The following GATA4 variants were observed in gnomAD, a reference collection of about 807,000 sequenced individuals.
GATA4 encodes GATA binding protein 4.
A neutral mutation model predicts 37.9 loss-of-function variants in GATA4; 7 were observed. The observed-to-expected ratio is 0.18, with a 90% CI of 0.11 to 0.35. The LOEUF (loss-of-function observed/expected upper bound fraction) is 0.35, where lower values mean the gene tolerates loss of function less well. Ranked by LOEUF, GATA4 falls within the 10% of genes least tolerant of loss-of-function variation. The pLI is 1.00. For missense variants in GATA4, 647 were observed against 653.0 expected (o/e 0.99, Z 0.10); for synonymous variants, 372 against 292.6 (o/e 1.27, Z -2.77).
chr8:11,738,957 C>T (rs1049046244), intron 2 of GATA4, among the ~76,000 whole-genome samples: 1 of 152,236 alleles, frequency 6.6e-6, no homozygotes, highest in East Asian at 1.9e-4. Flanking sequence ...TGGGACTGTA[C>T]CCCGAAGGGA....
intron 2 of GATA4, among the ~76,000 whole-genome samples, chr8:11,716,888 A>C (rs755745355): frequency 3.3e-5 from 5 of 152,272 alleles, no homozygotes; most frequent in Non-Finnish European, 5.9e-5. Flanking sequence ...TTGTGTCTGC[A>C]TAAGAAAGAG....
chr8:11,693,119 C>G (rs556173877), intron 1 of GATA4: 1 of 962,972 alleles, frequency 1.0e-6, no homozygotes, highest in South Asian at 4.8e-5. Context: ...ATCCCAGTGT[C>G]TGTTAACGAT....
In GATA4 at chr8:11,708,534, C is replaced by T. The variant is rs1800004514; in HGVS notation, c.222C>T (p.Ala74=). ...CCTCGGGCGGCAGCTCCGGTGGGGC[C>T]GCGTCTGGTGCGGGGCCCGGGACCC... The part of the protein sequence containing the change: ...GGASGGSSGG[A]ASGAGPGTQQ... The change falls in exon 2 of 7, where the codon GCC becomes GCT. Residue 74 remains alanine, a synonymous_variant. Transcript: ENST00000532059. The surrounding 1 kb of genome is among the most constrained non-coding windows in gnomAD (Gnocchi z 6.7). The T allele has an allele frequency of 5.5e-6, 8 of 1,443,782 alleles. No homozygotes were observed. Among genetic ancestry groups the T allele is most frequent in the African/African-American group, 1.5e-5 (1 of 67,136 alleles). The allele number at this position is 1,443,782 out of a possible 1,614,324, so 89.4% of individuals were successfully genotyped here. A position where few individuals can be genotyped will look rare whatever the true frequency, so the allele number is the denominator to read the frequency against.
chr8:11,718,438 C>T (rs1333761366), intron 2 of GATA4, among the ~76,000 whole-genome samples: 3 of 152,166 alleles, frequency 2.0e-5, no homozygotes, highest in Admixed American at 6.5e-5. Context: ...GACAGGTGGG[C>T]CATTCTGTGT....
upstream of GATA4, among the ~76,000 whole-genome samples, chr8:11,699,549 G>A (rs1237013711): frequency 6.6e-6 from 1 of 152,232 alleles, no homozygotes; most frequent in Non-Finnish European, 1.5e-5. Flanking sequence ...GTCCTTGGAT[G>A]GGGAGGGAGA....
intron 2 of GATA4, among the ~76,000 whole-genome samples, chr8:11,718,032 C>T (rs896723956): frequency 3.3e-5 from 5 of 152,210 alleles, no homozygotes; most frequent in Admixed American, 6.5e-5. Flanking sequence ...AACTGACCCT[C>T]TGTGTTCCCT....
chr8:11,749,036 A>C lies in GATA4; in HGVS notation c.737A>C (p.His246Pro), dbSNP rs1802166103. The part of the protein sequence containing the change: ...HYLCNACGLY[H>P]KMNGINRPLI... ...CTGTGCAACGCCTGCGGCCTCTACC[A>C]CAAGATGAACGGCATCAACCGGCCG... Residue 246 changes from histidine to proline, a missense_variant, in exon 3 of 7, where the codon CAC (histidine) becomes CCC (proline). His to Pro is a moderately conservative substitution (Grantham distance 77). Around this residue, in one of 5 missense-constraint regions of GATA4, gnomAD observed 56 missense variants for 64.5 expected, o/e 0.87. Coordinates refer to ENST00000532059, the MANE Select transcript of GATA4 (RefSeq NM_001308093.3). This position sits in a 1 kb window ranked among gnomAD's most constrained non-coding sequence, Gnocchi z 4.6. 6.2e-7 allele frequency: 1 copy of C among 1,614,036 alleles called. No individual in the cohort carries two copies. Among genetic ancestry groups the C allele is most frequent in the Non-Finnish European group, 8.5e-7 (1 of 1,180,024 alleles).
intron 5 of GATA4, chr8:11,756,695 CT>C (rs1563232836): frequency 1.7e-6 from 1 of 584,216 alleles, no homozygotes; most frequent in South Asian, 2.0e-5. Flanking sequence ...GAGGAAGAAT[CT>C]TTTTTTAAAA....
At chr8:11,704,549 C>T (rs1799805593) in intron 1 of GATA4, among the ~76,000 whole-genome samples, 2 of 152,224 alleles carry the variant, frequency 1.3e-5, no homozygotes. Context: ...GGATTCTTTC[C>T]GTGTGAACTT....
intron 1 of GATA4, among the ~76,000 whole-genome samples, chr8:11,681,830 C>T (rs1196132484): frequency 6.6e-6 from 1 of 152,178 alleles, no homozygotes; most frequent in African/African-American, 2.4e-5. Flanking sequence ...TGGCCGTGGG[C>T]AGACCCGGCT....
rs557297833 is a variant in GATA4 at position 11,746,351 on chromosome 8, G to C, written c.617-2565G>C. Reference sequence around the variant, plus strand: ...CACCACTACACTCCGGCTTGGGTGAGAGTGAACCCGGTCTCTAAAGAGCAA... The same window carrying C: ...CACCACTACACTCCGGCTTGGGTGACAGTGAACCCGGTCTCTAAAGAGCAA... On this transcript the variant is annotated intron_variant, in intron 2 of 6. Transcript: ENST00000532059. 3.3e-5 allele frequency among the ~76,000 whole-genome samples: 5 copies of C among 152,304 alleles called. No individual in the cohort carries two copies. In the South Asian group the frequency reaches 1.0e-3, roughly 32 times the overall value.
At chr8:11,741,755 A>G (rs922462741) in intron 2 of GATA4, among the ~76,000 whole-genome samples, 12 of 152,250 alleles carry the variant, frequency 7.9e-5, no homozygotes, top group East Asian at 1.9e-4. Context: ...GCTGAGAAGC[A>G]TTGAGACAGA....
chr8:11,725,997 T>C (rs1419772776), intron 2 of GATA4, among the ~76,000 whole-genome samples: 2 of 152,208 alleles, frequency 1.3e-5, no homozygotes, highest in Non-Finnish European at 2.9e-5. Context: ...GTGCTGTCCT[T>C]TTATTTGGAT....
intron 1 of GATA4, among the ~76,000 whole-genome samples, chr8:11,693,834 A>G (rs1301882008): frequency 6.6e-6 from 1 of 152,108 alleles, no homozygotes; most frequent in Non-Finnish European, 1.5e-5. Context: ...GTCATAGGTT[A>G]TGGGTGTGGG....
At chr8:11,729,766 G>A (rs1256810458) in intron 2 of GATA4, among the ~76,000 whole-genome samples, 2 of 152,290 alleles carry the variant, frequency 1.3e-5, no homozygotes, top group Middle Eastern at 3.4e-3. Flanking sequence ...GTGAATTTCC[G>A]CCTGGAAATG....
intron 1 of GATA4, among the ~76,000 whole-genome samples, chr8:11,686,997 C>CAA (rs56173582): frequency 2.6e-5 from 3 of 115,442 alleles, no homozygotes; most frequent in Non-Finnish European, 3.7e-5. Flanking sequence ...GAATCCGTTT[C>CAA]AAAAAAAAAA....
chr8:11,723,389 T>C (rs758322515), intron 2 of GATA4, among the ~76,000 whole-genome samples: 51 of 152,156 alleles, frequency 3.4e-4, no homozygotes, highest in Non-Finnish European at 5.6e-4. Context: ...GCATGATGTG[T>C]TTCTATCCAT....
At chr8:11,722,681 C>A (rs1800730280) in intron 2 of GATA4, among the ~76,000 whole-genome samples, 1 of 152,198 alleles carries the variant, frequency 6.6e-6, no homozygotes, top group South Asian at 2.1e-4. Flanking sequence ...TGACATTGAA[C>A]ATATTCCTCT....
intron 2 of GATA4, among the ~76,000 whole-genome samples, chr8:11,747,418 G>A (rs527661424): frequency 1.3e-5 from 2 of 152,196 alleles, no homozygotes; most frequent in Non-Finnish European, 2.9e-5. Flanking sequence ...GGCAGACCCC[G>A]GCAGCCTTGT....
Sources: gnomAD v4.1 joint callset for allele counts (sites outside exome capture counted in the v4.1 genomes callset) on GRCh38, gnomAD v4.1.1 for gene constraint, gnomAD v4.1.1 regional missense constraint, Gnocchi (gnomAD v3.1) non-coding constraint, MANE v1.5 for transcripts, NCBI Gene and HGNC (gene_info 2026-07-23, HGNC 2026-07-21) for gene names.